Variants in SHISA9 observed in about 807,000 individuals in gnomAD.
SHISA9 encodes protein shisa-9.
SHISA9 carries 13 observed loss-of-function variants against 38.0 expected under a neutral mutation model. That is an observed-to-expected ratio of 0.34 (90% confidence interval 0.22 to 0.54). The LOEUF (loss-of-function observed/expected upper bound fraction) is 0.54, where lower values mean the gene tolerates loss of function less well. SHISA9 is among the 20% of genes least tolerant of loss of function. SHISA9 has a pLI of 0.91. For missense variants in SHISA9, 538 were observed against 575.8 expected, an observed-to-expected ratio of 0.93 and a Z score of 0.67; for synonymous variants, 275 against 242.0, an observed-to-expected ratio of 1.14 and a Z score of -1.27.
intron 4 of SHISA9, among the ~76,000 whole-genome samples, chr16:13,233,127 G>A (rs966614157): frequency 2.0e-5 from 3 of 152,136 alleles, no homozygotes; most frequent in Non-Finnish European, 2.9e-5. Flanking sequence ...AGTAAGTCAC[G>A]ATATATAGCG....
At chr16:13,249,025 G>T in the SHISA9 span, among the ~76,000 whole-genome samples, 2 of 152,194 alleles carry the variant, frequency 1.3e-5, no homozygotes, top group Non-Finnish European at 2.9e-5. Context: ...CTGGCTCATT[G>T]CATGTTGAGG....
chr16:13,300,485 A>G, the SHISA9 span, among the ~76,000 whole-genome samples: 11 of 152,086 alleles, frequency 7.2e-5, no homozygotes, highest in Admixed American at 2.6e-4. Flanking sequence ...CATGAGCAAA[A>G]TGTGGAGTCA....
intron 4 of SHISA9, among the ~76,000 whole-genome samples, chr16:13,222,945 T>C (rs1043792546): frequency 6.6e-6 from 1 of 152,154 alleles, no homozygotes. Context: ...GGCAATGACA[T>C]TGGCCTTTTT....
At chr16:13,361,616 C>G in the SHISA9 span, among the ~76,000 whole-genome samples, 1 of 152,194 alleles carries the variant, frequency 6.6e-6, no homozygotes, top group Non-Finnish European at 1.5e-5. Flanking sequence ...TGAGTGAGTT[C>G]ATGGGGACTA....
At chr16:13,073,327 A>G (rs2073541234) in intron 2 of SHISA9, among the ~76,000 whole-genome samples, 1 of 151,806 alleles carries the variant, frequency 6.6e-6, no homozygotes, top group Non-Finnish European at 1.5e-5. Flanking sequence ...GAGGATGAAA[A>G]GTGGGAGCAA....
At chr16:13,027,815 T>C (rs899436628) in intron 2 of SHISA9, among the ~76,000 whole-genome samples, 1 of 150,964 alleles carries the variant, frequency 6.6e-6, no homozygotes, top group Non-Finnish European at 1.5e-5. Context: ...TAATCCCAGC[T>C]GCTTGGGAGG....
chr16:13,032,420 C>T (rs560794322), intron 2 of SHISA9, among the ~76,000 whole-genome samples: 1 of 152,172 alleles, frequency 6.6e-6, no homozygotes, highest in Admixed American at 6.5e-5. Context: ...ATCCAGGAAC[C>T]AACCCAAATG....
intron 2 of SHISA9, among the ~76,000 whole-genome samples, chr16:12,951,437 G>A (rs955525675): frequency 5.3e-5 from 8 of 152,078 alleles, no homozygotes; most frequent in South Asian, 2.1e-4. Context: ...ACTCCACTCT[G>A]CAGTTGCAGA....
In SHISA9 at chr16:12,955,483, T is replaced by C. The variant is rs975850822; in HGVS notation, c.691+38668T>C. 2.0e-5 allele frequency among the ~76,000 whole-genome samples: 3 copies of C among 149,198 alleles called. No individual in the cohort carries two copies. The East Asian group carries it at 6.0e-4, about 30-fold the overall frequency. ...CCAAAGACCTTGAGTTTGCTTTTTC[T>C]CAAGGTGCCATGAGTTATTTATTTA... On this transcript the variant is annotated intron_variant, in intron 2 of 4. Transcript: ENST00000558583.
chr16:13,436,649 C>G, the SHISA9 span, among the ~76,000 whole-genome samples: 1 of 152,184 alleles, frequency 6.6e-6, no homozygotes, highest in African/African-American at 2.4e-5. Context: ...TGGATTCTTT[C>G]TTGCATGAGA....
At chr16:13,003,680 A>C (rs1282811318) in intron 2 of SHISA9, among the ~76,000 whole-genome samples, 1 of 152,106 alleles carries the variant, frequency 6.6e-6, no homozygotes, top group African/African-American at 2.4e-5. Flanking sequence ...CAGTATGGTG[A>C]AACCCCATCT....
chr16:13,277,217 T>C, the SHISA9 span, among the ~76,000 whole-genome samples: 4 of 152,056 alleles, frequency 2.6e-5, no homozygotes, highest in Admixed American at 2.0e-4. Context: ...TGAAGATCAG[T>C]TGGCTGTAAG....
intron 2 of SHISA9, among the ~76,000 whole-genome samples, chr16:12,987,466 C>A (rs1444000720): frequency 6.6e-6 from 1 of 152,114 alleles, no homozygotes; most frequent in Admixed American, 6.6e-5. Flanking sequence ...AAGCTGGAAG[C>A]CATCCTCCTC....
chr16:12,996,096 T>C (rs1596572041), intron 2 of SHISA9, among the ~76,000 whole-genome samples: 1 of 152,238 alleles, frequency 6.6e-6, no homozygotes, highest in African/African-American at 2.4e-5. Flanking sequence ...TGCCTCTTTT[T>C]ATCTGTTGCC....
chr16:13,489,965 A>T, the SHISA9 span, among the ~76,000 whole-genome samples: 1 of 152,178 alleles, frequency 6.6e-6, no homozygotes, highest in Admixed American at 6.5e-5. Flanking sequence ...TGGACAGTGT[A>T]AAAAGAGGCA....
the SHISA9 span, among the ~76,000 whole-genome samples, chr16:13,471,945 A>C: frequency 6.6e-6 from 1 of 152,326 alleles, no homozygotes; most frequent in Middle Eastern, 3.4e-3. Context: ...GAGAATCACA[A>C]AGACAAGGGA....
chr16:13,185,195 T>G (rs1229412922), intron 2 of SHISA9, among the ~76,000 whole-genome samples: 1 of 152,196 alleles, frequency 6.6e-6, no homozygotes, highest in African/African-American at 2.4e-5. Context: ...TGTTTATTTT[T>G]TATATCTTTG....
intron 2 of SHISA9, among the ~76,000 whole-genome samples, chr16:13,132,475 T>C (rs906001709): frequency 3.9e-5 from 6 of 152,188 alleles, no homozygotes; most frequent in Admixed American, 2.6e-4. Context: ...GACTGGATAA[T>C]TCTTTGCTGT....
intron 2 of SHISA9, among the ~76,000 whole-genome samples, chr16:13,116,864 A>G (rs2074035382): frequency 6.6e-6 from 1 of 152,228 alleles, no homozygotes; most frequent in South Asian, 2.1e-4. Flanking sequence ...TGATAAATGC[A>G]TTACACTTAT....
Sources: gnomAD v4.1 joint callset for allele counts (sites outside exome capture counted in the v4.1 genomes callset) on GRCh38, gnomAD v4.1.1 for gene constraint, MANE v1.5 for transcripts, NCBI Gene and HGNC (gene_info 2026-07-23, HGNC 2026-07-21) for gene names.